PCDH9: variants seen among roughly 807,000 people sequenced by gnomAD.
PCDH9 encodes protocadherin-9.
In PCDH9, 24 loss-of-function variants were observed where a neutral mutation model predicts 70.6. The ratio of observed to expected loss-of-function variants is 0.34; its 90% CI spans 0.25 to 0.48. The LOEUF (loss-of-function observed/expected upper bound fraction) is 0.48, where lower values mean the gene tolerates loss of function less well. PCDH9 is among the 20% of genes least tolerant of loss of function. The pLI, the probability that PCDH9 is intolerant of heterozygous loss-of-function variation, is 0.99. For missense variants in PCDH9, 1,281 were observed against 1,503.6 expected, an observed-to-expected ratio of 0.85 and a Z score of 2.45; for synonymous variants, 562 against 558.5, an observed-to-expected ratio of 1.01 and a Z score of -0.09.
intron 4 of PCDH9, among the ~76,000 whole-genome samples, chr13:66,608,449 T>C (rs1447515284): frequency 6.6e-6 from 1 of 152,124 alleles, no homozygotes; most frequent in Non-Finnish European, 1.5e-5. Context: ...ACAATTTTAT[T>C]ATTAAGAAAG....
intron 3 of PCDH9, among the ~76,000 whole-genome samples, chr13:66,869,372 T>C: frequency 6.6e-6 from 1 of 152,180 alleles, no homozygotes; most frequent in East Asian, 1.9e-4. Flanking sequence ...TTATTTGTTT[T>C]ATTTTTGCAA....
intron 4 of PCDH9, among the ~76,000 whole-genome samples, chr13:66,565,614 T>A (rs1398726613): frequency 1.3e-5 from 2 of 152,164 alleles, no homozygotes; most frequent in Admixed American, 1.3e-4. Flanking sequence ...TTCAGGCAAT[T>A]CCATCATTCA....
At chr13:66,427,528 G>A (rs1371643562) in intron 4 of PCDH9, among the ~76,000 whole-genome samples, 1 of 151,754 alleles carries the variant, frequency 6.6e-6, no homozygotes, top group African/African-American at 2.4e-5. Context: ...TCTTGTCACA[G>A]TCATAAATTG....
chr13:66,611,061 C>G (rs924578045), intron 4 of PCDH9, among the ~76,000 whole-genome samples: 3 of 151,982 alleles, frequency 2.0e-5, no homozygotes, highest in African/African-American at 7.2e-5. Flanking sequence ...AAAAGGTTTT[C>G]AGTAGAATGT....
intron 4 of PCDH9, among the ~76,000 whole-genome samples, chr13:66,502,577 G>A (rs1161986267): frequency 1.3e-5 from 2 of 152,076 alleles, no homozygotes; most frequent in African/African-American, 4.8e-5. Flanking sequence ...CAATTTTCCT[G>A]TGTATTGTAA....
At chr13:66,705,390 T>A (rs150126975) in intron 3 of PCDH9, among the ~76,000 whole-genome samples, 3 of 152,288 alleles carry the variant, frequency 2.0e-5, no homozygotes, top group Middle Eastern at 3.4e-3. Context: ...TTTCCACGCT[T>A]AACTATATGT....
intron 2 of PCDH9, among the ~76,000 whole-genome samples, chr13:67,108,680 T>TA (rs2086595967): frequency 6.6e-6 from 1 of 152,220 alleles, no homozygotes; most frequent in South Asian, 2.1e-4. Flanking sequence ...CACATGAATG[T>TA]AAAAATCACC....
At chr13:67,154,770 T>C (rs2087767155) in intron 2 of PCDH9, among the ~76,000 whole-genome samples, 1 of 149,836 alleles carries the variant, frequency 6.7e-6, no homozygotes, top group African/African-American at 2.5e-5. Flanking sequence ...AGTGGCAAGA[T>C]CTTGGCTCAC....
intron 4 of PCDH9, among the ~76,000 whole-genome samples, chr13:66,547,389 C>A (rs1022535773): frequency 6.6e-6 from 1 of 152,150 alleles, no homozygotes. Context: ...TTCAAATCAA[C>A]AGAGTCTATA....
chr13:67,148,487 G>A (rs927713732), intron 2 of PCDH9, among the ~76,000 whole-genome samples: 4 of 151,842 alleles, frequency 2.6e-5, no homozygotes, highest in Admixed American at 2.0e-4. Context: ...GTTGTTTCTT[G>A]TTATATGCAA....
In PCDH9 at chr13:67,051,052, C is replaced by T. The variant is rs558300522; in HGVS notation, c.3037-147447G>A. Among the ~76,000 whole-genome samples, 13 of 152,166 alleles carry T rather than the reference C, an allele frequency of 8.5e-5. No individual in the cohort carries two copies. The South Asian group carries it at 2.7e-3, about 32-fold the overall frequency. On this transcript the variant is annotated intron_variant, in intron 2 of 4. Transcript: ENST00000377865. The stretch of plus-strand genomic sequence containing the variant: ...CTTGGTTTTTGAATTATATTAATGG[C>T]CACAAATGATGACGCAGTAGCACAA...
intron 3 of PCDH9, among the ~76,000 whole-genome samples, chr13:66,742,631 T>A (rs1358667006): frequency 8.8e-6 from 1 of 113,492 alleles, no homozygotes; most frequent in Non-Finnish European, 1.8e-5. Flanking sequence ...TACAATGAAC[T>A]CAAACAAATT....
rs765058292 is a variant in PCDH9 at position 67,225,311 on chromosome 13, G to A, written c.3036+94C>T. ...TTTACCTCTTTCTAACTAAGCTAAA[G>A]TTAGACCAAAACAATAGACATACTG... On this transcript the variant is annotated intron_variant, in intron 2 of 4. Coordinates refer to ENST00000377865, the MANE Select transcript of PCDH9 (RefSeq NM_203487.3). 8 of 1,411,816 alleles carry A rather than the reference G, an allele frequency of 5.7e-6. No homozygotes were observed. The African/African-American group carries it at 8.6e-5, about 15-fold the overall frequency. The allele number at this position is 1,411,816 out of a possible 1,614,324, so 87.5% of individuals were successfully genotyped here.
intron 3 of PCDH9, among the ~76,000 whole-genome samples, chr13:66,832,827 T>A (rs1038769358): frequency 6.6e-6 from 1 of 152,228 alleles, no homozygotes; most frequent in East Asian, 1.9e-4. Flanking sequence ...ACTACCAAGA[T>A]CTTGAGTCAC....
At chr13:66,380,536 C>CTTTTTTTTTTTTTTTTTTTTTTTTTTT in intron 4 of PCDH9, among the ~76,000 whole-genome samples, 1 of 53,358 alleles carries the variant, frequency 1.9e-5, no homozygotes, top group African/African-American at 6.3e-5. Flanking sequence ...AGATCTTGTC[C>CTTTTTTTTTTTTTTTTTTTTTTTTTTT]TTTTTTTTTT....
chr13:66,938,634 T>C (rs1002593174), intron 2 of PCDH9, among the ~76,000 whole-genome samples: 5 of 152,198 alleles, frequency 3.3e-5, no homozygotes, highest in African/African-American at 1.2e-4. Context: ...GATGTTATCA[T>C]AGACAAAGAA....
chr13:66,537,645 T>C (rs983150478), intron 4 of PCDH9, among the ~76,000 whole-genome samples: 1 of 152,052 alleles, frequency 6.6e-6, no homozygotes, highest in Non-Finnish European at 1.5e-5. Flanking sequence ...TAGGTCTGAA[T>C]TACACAGAGC....
intron 4 of PCDH9, among the ~76,000 whole-genome samples, chr13:66,347,258 C>T (rs1008965740): frequency 6.6e-6 from 1 of 152,106 alleles, no homozygotes; most frequent in Non-Finnish European, 1.5e-5. Flanking sequence ...AAATAGAATG[C>T]ACTAGTATAT....
intron 3 of PCDH9, among the ~76,000 whole-genome samples, chr13:66,839,456 C>T (rs2081078707): frequency 6.6e-6 from 1 of 152,170 alleles, no homozygotes; most frequent in African/African-American, 2.4e-5. Context: ...TTGCTTCATA[C>T]TTCACGGAGT....
Sources: gnomAD v4.1 joint callset for allele counts (sites outside exome capture counted in the v4.1 genomes callset) on GRCh38, gnomAD v4.1.1 for gene constraint, MANE v1.5 for transcripts, NCBI Gene and HGNC (gene_info 2026-07-23, HGNC 2026-07-21) for gene names.